Variants in MCF2 observed in about 807,000 individuals in gnomAD.
MCF2 encodes MCF.2 cell line derived transforming sequence.
Under a neutral mutation model 82.5 loss-of-function variants are expected in MCF2, and 44 were observed. The observed-to-expected ratio is 0.53, with a 90% CI of 0.42 to 0.69. The LOEUF (loss-of-function observed/expected upper bound fraction) is 0.69. Ranked by LOEUF, MCF2 falls within the 30% of genes least tolerant of loss-of-function variation. The pLI is 0.00. For synonymous variants in MCF2, 217 were observed against 224.9 expected, an observed-to-expected ratio of 0.96 and a Z score of 0.32; for missense variants, 623 against 663.1, an observed-to-expected ratio of 0.94 and a Z score of 0.66.
In MCF2 at chrX:139,624,048, G is replaced by A. The variant is rs758790092; in HGVS notation, c.687+2145C>T. Among the ~76,000 whole-genome samples the A allele has an allele frequency of 3.6e-5, 4 of 111,376 alleles. No homozygotes were observed. In the South Asian group the frequency reaches 1.5e-3, roughly 42 times the overall value. ...GGAGTAAAAGTAGCTTTACAGTGGA[G>A]AAATTCAACAACACCCTGAATAGGT... On this transcript the variant is annotated intron_variant, in intron 6 of 24. Transcript: ENST00000370576.
intron 13 of MCF2, 128 bp downstream of exon 17, chrX:139,605,585 G>A: frequency 2.1e-6 from 1 of 486,852 alleles, no homozygotes; most frequent in Admixed American, 3.5e-5. Flanking sequence ...TAAAAGAAAT[G>A]CCCACTGCTG....
chrX:139,675,022 C>A (rs773810606), intron 1 of MCF2, among the ~76,000 whole-genome samples: 4 of 111,514 alleles, frequency 3.6e-5, no homozygotes, highest in African/African-American at 6.5e-5. Context: ...TGTTTGTTTT[C>A]ACTCTTTTTT....
intron 1 of MCF2, among the ~76,000 whole-genome samples, chrX:139,661,624 C>T (rs1180311188): frequency 9.0e-6 from 1 of 111,399 alleles, no homozygotes; most frequent in Non-Finnish European, 1.9e-5. Context: ...GAATACTATT[C>T]TAAGATGCTA....
chrX:139,588,743 T>TCTA (rs200637334), intron 20 of MCF2, among the ~76,000 whole-genome samples: 30 of 107,225 alleles, frequency 2.8e-4, no homozygotes, highest in African/African-American at 7.8e-4. Flanking sequence ...AAACCCCATC[T>TCTA]CTACTACTAC....
At chrX:139,607,008 T>C (rs1035629655) in intron 12 of MCF2, among the ~76,000 whole-genome samples, 2 of 111,485 alleles carry the variant, frequency 1.8e-5, no homozygotes, top group African/African-American at 6.5e-5. Context: ...TATACCATTA[T>C]AACAATGAAC....
At chrX:139,669,232 G>C (rs1177855733) in intron 1 of MCF2, among the ~76,000 whole-genome samples, 4 of 111,589 alleles carry the variant, frequency 3.6e-5, no homozygotes, top group South Asian at 3.7e-4. Flanking sequence ...TATTTGAATA[G>C]ACATATCTCC....
chrX:139,668,761 A>T (rs781332022), intron 1 of MCF2, among the ~76,000 whole-genome samples: 1 of 111,669 alleles, frequency 9.0e-6, no homozygotes, highest in Non-Finnish European at 1.9e-5. Flanking sequence ...AGCCATCATG[A>T]TACGTCTCTC....
chrX:139,619,565 G>C, intron 7 of MCF2, 22 bp downstream of exon 10: 1 of 1,109,973 alleles, frequency 9.0e-7, no homozygotes, highest in South Asian at 2.0e-5. Context: ...TAATATAGCA[G>C]ACATCTAAAA....
chrX:139,604,910 A>T (rs1930862214), exon 14 of MCF2: 1 of 1,199,742 alleles, frequency 8.3e-7, no homozygotes, highest in Non-Finnish European at 1.1e-6. Context: ...TTCCAAAGAG[A>T]ATGTCCTTTT....
At chrX:139,581,823 C>T (rs1928506353) in exon 25 of MCF2, 1 of 111,603 alleles carries the variant, frequency 9.0e-6, no homozygotes, top group African/African-American at 3.3e-5. Context: ...ATGAAATATA[C>T]AGAAAATAGC....
rs768978431 is a variant in MCF2 at position 139,588,768 on chromosome X, A to C, written c.2371-330T>G. ...TCTACTACTACTACTACTACTAATA[A>C]TAATAATAATAATTAGCCAGGTGTG... is the stretch of plus-strand genomic sequence containing the variant. On this transcript the variant is annotated intron_variant, in intron 20 of 24. Transcript: ENST00000370576. Among the ~76,000 whole-genome samples, 202 of 107,991 alleles carry C rather than the reference A, an allele frequency of 1.9e-3. 1 individual carries two copies. The highest frequency in any genetic ancestry group is 5.9e-3 in the African/African-American group (175 of 29,565). The allele number at this position is 107,991 out of a possible 115,157, so 93.8% of individuals were successfully genotyped here.
intron 7 of MCF2, 72 bp downstream of exon 10, chrX:139,619,515 A>T: frequency 1.3e-6 from 1 of 790,696 alleles, no homozygotes; most frequent in Non-Finnish European, 1.7e-6. Flanking sequence ...ATAAGGGTTT[A>T]TACTACCTAC....
intron 6 of MCF2, among the ~76,000 whole-genome samples, chrX:139,621,353 C>A (rs1390498442): frequency 1.8e-5 from 2 of 111,453 alleles, no homozygotes; most frequent in African/African-American, 6.5e-5. Context: ...TACGTGGGAC[C>A]TAATTAAACT....
At chrX:139,701,353 T>C (rs929686769) in intron 1 of MCF2, among the ~76,000 whole-genome samples, 4 of 112,229 alleles carry the variant, frequency 3.6e-5, no homozygotes, top group African/African-American at 1.3e-4. Context: ...AATCAAACAC[T>C]AATCTGGGTG....
intron 2 of MCF2, among the ~76,000 whole-genome samples, chrX:139,649,538 C>T (rs1933918833): frequency 8.9e-6 from 1 of 111,757 alleles, no homozygotes; most frequent in Non-Finnish European, 1.9e-5. Context: ...GCAAACTACA[C>T]TTATCAAAGG....
chrX:139,652,102 T>C (rs1314494183), intron 1 of MCF2, among the ~76,000 whole-genome samples: 2 of 112,217 alleles, frequency 1.8e-5, no homozygotes, highest in Non-Finnish European at 3.8e-5. Context: ...GAAGGGTAGA[T>C]GGTCATGGGG....
chrX:139,630,128 C>T (rs777459778), intron 3 of MCF2, among the ~76,000 whole-genome samples: 3 of 111,572 alleles, frequency 2.7e-5, no homozygotes, highest in Non-Finnish European at 3.8e-5. Context: ...CTTAAAGATG[C>T]CATGTATTGA....
At chrX:139,677,350 A>T (rs1388194983) in intron 1 of MCF2, among the ~76,000 whole-genome samples, 2 of 110,936 alleles carry the variant, frequency 1.8e-5, no homozygotes, top group Non-Finnish European at 3.8e-5. Context: ...CGCCCACCCG[A>T]CCCTCTTCCA....
intron 1 of MCF2, among the ~76,000 whole-genome samples, chrX:139,690,400 G>A (rs1266981065): frequency 2.3e-5 from 2 of 86,714 alleles, no homozygotes; most frequent in Non-Finnish European, 4.2e-5. Context: ...AGAACAAAAC[G>A]CAAAGTACTT....
Sources: allele counts gnomAD v4.1 joint callset (sites outside exome capture counted in the v4.1 genomes callset), GRCh38; gene constraint gnomAD v4.1.1; transcripts MANE v1.5; gene names NCBI Gene and HGNC (gene_info 2026-07-23, HGNC 2026-07-21).